The following HOMER1 variants were observed in gnomAD, a reference collection of about 807,000 sequenced individuals.
HOMER1 encodes homer protein homolog 1.
Under a neutral mutation model 48.9 loss-of-function variants are expected in HOMER1, and 3 were observed. The observed-to-expected ratio is 0.06, with a 90% CI of 0.03 to 0.16. HOMER1 has a LOEUF of 0.16. Ranked by LOEUF, HOMER1 falls within the 10% of genes least tolerant of loss-of-function variation. HOMER1 has a pLI of 1.00. For synonymous variants in HOMER1, 134 were observed against 146.4 expected, an observed-to-expected ratio of 0.92 and a Z score of 0.61; for missense variants, 247 against 411.4, an observed-to-expected ratio of 0.60 and a Z score of 3.46.
chr5:79,500,953 G>GTGTGTGAC (rs1491130611), intron 1 of HOMER1, among the ~76,000 whole-genome samples: 2,873 of 113,540 alleles, frequency 0.025, 110 homozygotes, highest in African/African-American at 0.095. Flanking sequence ...GTGTGTGTGT[G>GTGTGTGAC]AGACAGACAG....
intron 5 of HOMER1, among the ~76,000 whole-genome samples, chr5:79,418,756 C>T (rs1228822531): frequency 6.6e-6 from 1 of 152,182 alleles, no homozygotes; most frequent in Non-Finnish European, 1.5e-5. Flanking sequence ...TTAAGACGCC[C>T]ACCCGTAAGG....
In HOMER1 at chr5:79,372,688, C is replaced by T. The variant is rs1273533369; in HGVS notation, c.*3321G>A. Reference sequence around the variant, plus strand: ...AATCCACTGCCATCAAACAAACTTTCCCCGACCTGCCTCCCATTCCAGTAC... The same window carrying T: ...AATCCACTGCCATCAAACAAACTTTTCCCGACCTGCCTCCCATTCCAGTAC... On this transcript the variant is annotated 3_prime_UTR_variant, in exon 9 of 9. Transcript: ENST00000334082. The T allele has an allele frequency of 6.6e-6, 1 of 152,134 alleles. No individual in the cohort carries two copies. Among genetic ancestry groups the T allele is most frequent in the Non-Finnish European group, 1.5e-5 (1 of 68,022 alleles). 9.4% of individuals were successfully genotyped at this position (152,134 alleles called of 1,614,324 possible).
Position 79,411,594 on chromosome 5 carries a change from CA to C in HOMER1, c.528-9540del, listed in dbSNP as rs201893281. 4.7e-4 allele frequency among the ~76,000 whole-genome samples: 71 copies of C among 152,240 alleles called. 6 individuals carry two copies. The East Asian group carries it at 0.014, about 29-fold the overall frequency. Reference sequence around the variant, plus strand: ...AAAGTACTTCAAAAGGCTCTATTTTCAAAATAAGAGCTTAATGTATGAGCAA... The same window carrying C: ...AAAGTACTTCAAAAGGCTCTATTTTCAAATAAGAGCTTAATGTATGAGCAA... On this transcript the variant is annotated intron_variant, in intron 5 of 8. Transcript: ENST00000334082.
At chr5:79,376,279 G>T in intron 8 of HOMER1, 82 bp from the exon 9 acceptor site, 2 of 999,694 alleles carry the variant, frequency 2.0e-6, no homozygotes, top group Non-Finnish European at 2.9e-6. Flanking sequence ...TACCAATATT[G>T]CGGTAATCAA....
chr5:79,419,146 CATCT>C (rs1750029487), intron 5 of HOMER1, among the ~76,000 whole-genome samples: 2 of 151,920 alleles, frequency 1.3e-5, no homozygotes, highest in South Asian at 2.1e-4. Context: ...AAATAATAGA[CATCT>C]ATCATTAATA....
intron 1 of HOMER1, among the ~76,000 whole-genome samples, chr5:79,499,562 A>G (rs1461959969): frequency 6.6e-6 from 1 of 152,102 alleles, no homozygotes; most frequent in Non-Finnish European, 1.5e-5. Context: ...TGAAAAAAAT[A>G]GAAAAAGGCA....
intron 1 of HOMER1, among the ~76,000 whole-genome samples, chr5:79,478,747 T>A: frequency 6.6e-6 from 1 of 151,954 alleles, no homozygotes; most frequent in East Asian, 1.9e-4. Flanking sequence ...AGGTCAGGAG[T>A]TCGAGACCAG....
chr5:79,433,580 C>CA (rs1389361038), intron 5 of HOMER1, among the ~76,000 whole-genome samples: 1 of 151,122 alleles, frequency 6.6e-6, no homozygotes, highest in South Asian at 2.1e-4. Flanking sequence ...GAAAAACAAA[C>CA]AAACAAAAAA....
intron 1 of HOMER1, among the ~76,000 whole-genome samples, chr5:79,483,415 T>C (rs1489120469): frequency 1.3e-5 from 2 of 152,148 alleles, no homozygotes; most frequent in Admixed American, 1.3e-4. Flanking sequence ...GAGGTGATGG[T>C]TACATAACAC....
At chr5:79,397,682 A>G (rs1352337473) in intron 6 of HOMER1, 45 bp from the exon 7 acceptor site, 2 of 1,177,052 alleles carry the variant, frequency 1.7e-6, no homozygotes. Context: ...TTCAACTTTA[A>G]AGAGTTTCTT....
At chr5:79,436,530 T>G (rs147208634) in intron 5 of HOMER1, among the ~76,000 whole-genome samples, 2,442 of 152,346 alleles carry the variant, frequency 0.016, 187 homozygotes, top group Admixed American at 0.13. Flanking sequence ...CTTTCAAACT[T>G]TGACATTTTA....
rs1378862108 is a variant in HOMER1, at chr5:79,397,565, T to C, written c.757A>G (p.Ile253Val). ...HTHKTELNQT[I>V]QELEETLKLK... ...TTCAGTGTCTCTTCCAGTTCTTGTA[T>C]TGTCTGATTTAATTCTGTCTTATGA... Residue 253 changes from isoleucine to valine, a missense_variant, in exon 7 of 9, where the codon ATA (isoleucine) becomes GTA (valine). Transcript: ENST00000334082. The C allele has an allele frequency of 6.2e-7, 1 of 1,609,208 alleles. No individual in the cohort carries two copies. The highest frequency in any genetic ancestry group is 1.7e-5 in the Admixed American group (1 of 59,472).
At chr5:79,499,509 C>T (rs2112370599) in intron 1 of HOMER1, among the ~76,000 whole-genome samples, 1 of 36,084 alleles carries the variant, frequency 2.8e-5, no homozygotes, top group East Asian at 7.8e-4. Flanking sequence ...TGGGGATTTG[C>T]TGTAATTTGA....
At chr5:79,401,011 A>G (rs1299014283) in intron 6 of HOMER1, among the ~76,000 whole-genome samples, 1 of 146,136 alleles carries the variant, frequency 6.8e-6, no homozygotes, top group Non-Finnish European at 1.5e-5. Context: ...TTGGCCTGAG[A>G]GCATTAAAAC....
intron 6 of HOMER1, among the ~76,000 whole-genome samples, chr5:79,398,603 T>C (rs1325857679): frequency 2.6e-5 from 4 of 152,230 alleles, no homozygotes; most frequent in African/African-American, 9.6e-5. Context: ...TTAATTATAA[T>C]CTTTTTTTTG....
At chr5:79,387,069 T>TTATCTATC (rs1554056675) in intron 8 of HOMER1, among the ~76,000 whole-genome samples, 4 of 132,266 alleles carry the variant, frequency 3.0e-5, no homozygotes, top group Non-Finnish European at 6.2e-5. Flanking sequence ...TTTCCTTTCT[T>TTATCTATC]TCTCTATCTC....
At position 79,513,744 on chromosome 5, in the gene HOMER1, C is replaced by G; in HGVS notation, c.-970G>C. On this transcript the variant is annotated 5_prime_UTR_variant, in exon 1 of 9. Coordinates refer to ENST00000334082, the MANE Select transcript of HOMER1 (RefSeq NM_004272.5). Reference sequence around the variant, plus strand: ...GCCAAGCCCCACGCTTCCACTGGCACCCTGCCCCCAGCTCCAGGGCGGGCG... The same window carrying G: ...GCCAAGCCCCACGCTTCCACTGGCAGCCTGCCCCCAGCTCCAGGGCGGGCG... 6.5e-6 allele frequency: 1 copy of G among 152,818 alleles called. No individual in the cohort carries two copies. Among genetic ancestry groups the G allele is most frequent in the Non-Finnish European group, 1.5e-5 (1 of 68,456 alleles). The allele number at this position is 152,818 out of a possible 1,614,324, so 9.5% of individuals were successfully genotyped here.
intron 1 of HOMER1, among the ~76,000 whole-genome samples, chr5:79,471,182 T>C (rs1751604086): frequency 6.6e-6 from 1 of 151,990 alleles, no homozygotes; most frequent in African/African-American, 2.4e-5. Flanking sequence ...AAACATAAGG[T>C]AGATCTTTCC....
chr5:79,497,847 C>T (rs1752471187), intron 1 of HOMER1, among the ~76,000 whole-genome samples: 1 of 152,200 alleles, frequency 6.6e-6, no homozygotes, highest in African/African-American at 2.4e-5. Context: ...CAAATGCAGT[C>T]ACTCTCAAAT....
Sources: allele counts gnomAD v4.1 joint callset (sites outside exome capture counted in the v4.1 genomes callset), GRCh38; gene constraint gnomAD v4.1.1; transcripts MANE v1.5; gene names NCBI Gene and HGNC (gene_info 2026-07-23, HGNC 2026-07-21).